ABCA10: variants seen among roughly 807,000 people sequenced by gnomAD.
ABCA10 encodes the protein ATP binding cassette subfamily A member 10.
A neutral mutation model predicts 187.5 loss-of-function variants in ABCA10; 169 were observed. The ratio of observed to expected loss-of-function variants is 0.90; its 90% CI spans 0.80 to 1.02. The LOEUF is 1.02. ABCA10 is among the 50% of genes least tolerant of loss of function. The pLI, the probability that ABCA10 is intolerant of heterozygous loss-of-function variation, is 0.00. For synonymous variants in ABCA10, 574 were observed against 601.8 expected (o/e 0.95, Z 0.68); for missense variants, 1,727 against 1,812.4 (o/e 0.95, Z 0.86).
rs562783994 is a variant in ABCA10 at position 69,187,854 on chromosome 17, T to A, written c.2157A>T (p.Lys719Asn). ...EPDFDIGKQE[K>N]IHVTRNTGDE... is the part of the protein sequence containing the mutation. ...CTCCAGTATTTCTTGTCACATGTAT[T>A]TTCTCTTGTTTCCCAATGTCAAAAT... Residue 719 changes from lysine to asparagine, a missense_variant, in exon 19 of 39, where the codon AAA becomes AAT. Physicochemically the swap from Lys to Asn is moderately conservative, Grantham distance 94. Transcript: ENST00000690296. 57 of 1,613,736 alleles carry A rather than the reference T, an allele frequency of 3.5e-5. No individual in the cohort carries two copies. In the South Asian group the frequency reaches 5.6e-4, roughly 16 times the overall value.
At chr17:69,152,328 T>C (rs753804924) in intron 35 of ABCA10, 34 bp downstream of exon 35, 11 of 1,603,524 alleles carry the variant, frequency 6.9e-6, no homozygotes, top group South Asian at 4.5e-5. Context: ...TATAAGAACA[T>C]GCTAGTCCCA....
intron 6 of ABCA10, among the ~76,000 whole-genome samples, chr17:69,217,029 C>T (rs1237492589): frequency 6.6e-6 from 1 of 152,010 alleles, no homozygotes; most frequent in Non-Finnish European, 1.5e-5. Flanking sequence ...GGTGGATTGC[C>T]TGAGTCAGGA....
chr17:69,162,174 T>C (rs1598089333), intron 27 of ABCA10, among the ~76,000 whole-genome samples: 2 of 152,184 alleles, frequency 1.3e-5, no homozygotes, highest in African/African-American at 4.8e-5. Context: ...GAGCATTCAA[T>C]GGAGATTTTA....
rs141937290 is a variant in ABCA10 at position 69,156,840 on chromosome 17, T to C, written c.3447A>G (p.Pro1149=). 2.9e-3 allele frequency: 4,507 copies of C among 1,561,986 alleles called. 14 individuals are homozygous for C. Among genetic ancestry groups the C allele is most frequent in the Non-Finnish European group, 3.4e-3 (3,935 of 1,149,420 alleles). ...ATTAATATTTTCCCAACCTGAAAACTGGGTCTTTATTCATTATTTCATTTC... is the reference window on the plus strand; with the variant it reads ...ATTAATATTTTCCCAACCTGAAAACCGGGTCTTTATTCATTATTTCATTTC... ...KYGNEIMNKD[P]VFRISPRSRE... Residue 1149 remains proline, a synonymous_variant, in exon 28 of 39, where the codon CCA becomes CCG. Coordinates refer to ENST00000690296, the MANE Select transcript of ABCA10 (RefSeq NM_001377321.1).
intron 1 of ABCA10, among the ~76,000 whole-genome samples, chr17:69,228,348 A>G (rs1226905472): frequency 6.6e-6 from 1 of 152,004 alleles, no homozygotes; most frequent in Non-Finnish European, 1.5e-5. Context: ...ATTGTCTGAT[A>G]ATATTTATAT....
At chr17:69,201,793 A>ATTT (rs201122243) in intron 9 of ABCA10, 125 bp from the exon 10 acceptor site, 8 of 760,816 alleles carry the variant, frequency 1.1e-5, no homozygotes, top group Middle Eastern at 4.5e-4. Flanking sequence ...TATATTTATA[A>ATTT]TTTTTTTTTT....
chr17:69,185,066 A>G (rs1435273481), intron 20 of ABCA10, among the ~76,000 whole-genome samples: 1 of 152,070 alleles, frequency 6.6e-6, no homozygotes, highest in Non-Finnish European at 1.5e-5. Context: ...ACCAAACATC[A>G]TATGTTATCA....
At chr17:69,163,276 C>T (rs2074231884) in intron 27 of ABCA10, among the ~76,000 whole-genome samples, 1 of 152,128 alleles carries the variant, frequency 6.6e-6, no homozygotes, top group Admixed American at 6.6e-5. Flanking sequence ...AAAGCACAGC[C>T]ACCAAATGGA....
At chr17:69,185,772 G>A in intron 19 of ABCA10, 129 bp from the exon 20 acceptor site, 1 of 620,380 alleles carries the variant, frequency 1.6e-6, no homozygotes, top group South Asian at 3.4e-5. Context: ...TAGATAAAAT[G>A]AAACATACAG....
chr17:69,188,243 C>T (rs1032749386), intron 18 of ABCA10, among the ~76,000 whole-genome samples: 2 of 151,992 alleles, frequency 1.3e-5, no homozygotes, highest in African/African-American at 4.8e-5. Flanking sequence ...CTGGAATTTC[C>T]CCTACAGGAT....
chr17:69,161,685 T>C (rs964591482), intron 27 of ABCA10, among the ~76,000 whole-genome samples: 3 of 151,340 alleles, frequency 2.0e-5, no homozygotes, highest in Non-Finnish European at 4.4e-5. Context: ...TTGAACAGGA[T>C]CTGGTTTGAG....
At chr17:69,182,835 G>T (rs201920914) in intron 20 of ABCA10, 27 bp from the exon 21 acceptor site, 3 of 1,325,830 alleles carry the variant, frequency 2.3e-6, no homozygotes, top group Non-Finnish European at 2.0e-6. Flanking sequence ...AAGGCAACAA[G>T]AAAAAAAAAA....
Position 69,193,706 on chromosome 17 carries a change from GTTGA to G in ABCA10, c.1522-98_1522-95del, listed in dbSNP as rs572164862. 2.6e-3 allele frequency: 4,018 copies of G among 1,548,318 alleles called. 5 individuals are homozygous for G. The highest frequency in any genetic ancestry group is 3.4e-3 in the Admixed American group (168 of 49,398). On this transcript the variant is annotated intron_variant, in intron 13 of 38. Transcript: ENST00000690296. Reference sequence around the variant, plus strand: ...TGAAAAGGATTTAGTCTAGAACTTCGTTGATTAAGCTTTACCTATCAAAGAGTAG... The same window carrying G: ...TGAAAAGGATTTAGTCTAGAACTTCGTTAAGCTTTACCTATCAAAGAGTAG...
At chr17:69,153,626 C>T in intron 32 of ABCA10, 80 bp from the exon 33 acceptor site, 1 of 1,539,732 alleles carries the variant, frequency 6.5e-7, no homozygotes, top group Non-Finnish European at 8.8e-7. Flanking sequence ...ACTCTAAGCA[C>T]TATTATTCTA....
At position 69,155,549 on chromosome 17, in the gene ABCA10, A is replaced by T. The variant is rs2074167353; in HGVS notation, c.3576+256T>A. 3.3e-5 allele frequency among the ~76,000 whole-genome samples: 5 copies of T among 152,226 alleles called. No individual in the cohort carries two copies. In the South Asian group the frequency reaches 6.2e-4, roughly 19 times the overall value. On this transcript the variant is annotated intron_variant, in intron 29 of 38. Transcript: ENST00000690296. Reference sequence around the variant, plus strand: ...ATGTGCGATTTTGCTAAAATTGATTAAAAAATTCGAGAACTTGTTGATTAC... The same window carrying T: ...ATGTGCGATTTTGCTAAAATTGATTTAAAAATTCGAGAACTTGTTGATTAC...
chr17:69,171,692 A>G (rs959030638), intron 25 of ABCA10, among the ~76,000 whole-genome samples: 1 of 152,214 alleles, frequency 6.6e-6, no homozygotes, highest in Admixed American at 6.5e-5. Context: ...AAGGTTAGTC[A>G]ATGAGAGAGC....
chr17:69,193,324 A>G lies in ABCA10; in HGVS notation c.1642-76T>C, dbSNP rs896705667. On this transcript the variant is annotated intron_variant, in intron 14 of 38. Coordinates refer to ENST00000690296, the MANE Select transcript of ABCA10 (RefSeq NM_001377321.1). ...TTCAGAAAGCACCATGAAAACAAGT[A>G]TGATTTCTAGACTCAAATACAGTCC... is the stretch of plus-strand genomic sequence containing the variant. The G allele has an allele frequency of 6.6e-5, 104 of 1,565,360 alleles. No individual in the cohort carries two copies. The Admixed American group carries it at 1.8e-3, about 27-fold the overall frequency.
chr17:69,242,320 T>C (rs532579627), intron 1 of ABCA10, among the ~76,000 whole-genome samples: 1 of 152,246 alleles, frequency 6.6e-6, no homozygotes, highest in South Asian at 2.1e-4. Context: ...TGTTAATAAA[T>C]AAAAATTAGA....
At chr17:69,241,923 G>C (rs568064044) in intron 1 of ABCA10, among the ~76,000 whole-genome samples, 2 of 152,230 alleles carry the variant, frequency 1.3e-5, no homozygotes, top group African/African-American at 4.8e-5. Flanking sequence ...GAAACTTAAA[G>C]ACTTTAGGCA....
Sources: allele counts gnomAD v4.1 joint callset (sites outside exome capture counted in the v4.1 genomes callset), GRCh38; gene constraint gnomAD v4.1.1; transcripts MANE v1.5; gene names NCBI Gene and HGNC (gene_info 2026-07-23, HGNC 2026-07-21).